SIPA1L3: variants seen among roughly 807,000 people sequenced by gnomAD.
SIPA1L3 encodes signal induced proliferation associated 1 like 3, also known as signal-induced proliferation-associated 1-like protein 3.
A neutral mutation model predicts 150.1 loss-of-function variants in SIPA1L3; 59 were observed. The ratio of observed to expected loss-of-function variants is 0.39; its 90% CI spans 0.32 to 0.49. The LOEUF is 0.49. SIPA1L3 is among the 20% of genes least tolerant of loss of function. SIPA1L3 has a pLI of 0.86. For missense variants in SIPA1L3, 2,211 were observed against 2,489.5 expected, an observed-to-expected ratio of 0.89 and a Z score of 2.38; for synonymous variants, 1,070 against 1,077.6, an observed-to-expected ratio of 0.99 and a Z score of 0.14.
chr19:38,151,442 G>A (rs1007623759), intron 12 of SIPA1L3, among the ~76,000 whole-genome samples: 3 of 152,182 alleles, frequency 2.0e-5, no homozygotes, highest in African/African-American at 7.2e-5. Context: ...CCAGTCTCAA[G>A]GGACCTGGAA....
intron 1 of SIPA1L3, among the ~76,000 whole-genome samples, chr19:37,962,058 G>A (rs371456171): frequency 8.4e-4 from 128 of 151,558 alleles, no homozygotes; most frequent in African/African-American, 3.0e-3. Flanking sequence ...CTTGTAAGCC[G>A]TCTAGAAGGC....
intron 1 of SIPA1L3, among the ~76,000 whole-genome samples, chr19:37,939,399 CAAAAAA>C (rs753230257): frequency 2.9e-5 from 2 of 69,218 alleles, no homozygotes; most frequent in Admixed American, 1.6e-4. Flanking sequence ...GACTCCATGT[CAAAAAA>C]AAAAAAAAAA....
In SIPA1L3 at chr19:38,154,763, A is replaced by ATTT. The variant is rs372517508; in HGVS notation, c.3661+1810_3661+1812dup. On this transcript the variant is annotated intron_variant, in intron 13 of 21. Coordinates refer to ENST00000222345, the MANE Select transcript of SIPA1L3 (RefSeq NM_015073.3). Reference sequence around the variant, plus strand: ...ACCCAGCTATTTTATTTTATTATTCATTTTTTTTTTTTTTTTGAGACAGAG... The same window carrying ATTT: ...ACCCAGCTATTTTATTTTATTATTCATTTTTTTTTTTTTTTTTTTGAGACAGAG... Among the ~76,000 whole-genome samples the ATTT allele has an allele frequency of 5.8e-3, 749 of 129,726 alleles. 28 individuals are homozygous for ATTT. In the South Asian group the frequency reaches 0.11, roughly 19 times the overall value. The allele number at this position is 129,726 out of a possible 152,430, so 85.1% of individuals were successfully genotyped here.
chr19:37,991,544 T>G (rs999334151), intron 1 of SIPA1L3, among the ~76,000 whole-genome samples: 1 of 152,204 alleles, frequency 6.6e-6, no homozygotes, highest in Admixed American at 6.5e-5. Context: ...GGTCAGCTGC[T>G]GTCACCCTGG....
intron 1 of SIPA1L3, among the ~76,000 whole-genome samples, chr19:37,980,589 G>A (rs79741107): frequency 0.022 from 3,322 of 152,294 alleles, 124 homozygotes; most frequent in African/African-American, 0.075. Context: ...TCCAGAGCAG[G>A]GGGAAGGCCT....
At chr19:38,008,130 T>C (rs1030361710) in intron 1 of SIPA1L3, among the ~76,000 whole-genome samples, 2 of 151,940 alleles carry the variant, frequency 1.3e-5, no homozygotes, top group Admixed American at 1.3e-4. Flanking sequence ...CCTTGCCCTC[T>C]TTTCATGGAC....
chr19:37,952,148 T>G (rs1030852226), intron 1 of SIPA1L3, among the ~76,000 whole-genome samples: 2 of 152,116 alleles, frequency 1.3e-5, no homozygotes, highest in African/African-American at 4.8e-5. Flanking sequence ...GTAAGCTTAA[T>G]GCTGCTGGGG....
At chr19:37,960,616 C>T (rs1424856898) in intron 1 of SIPA1L3, among the ~76,000 whole-genome samples, 3 of 151,738 alleles carry the variant, frequency 2.0e-5, no homozygotes, top group Admixed American at 1.3e-4. Context: ...ACCTTGTTAG[C>T]CAGGATGGTC....
intron 1 of SIPA1L3, among the ~76,000 whole-genome samples, chr19:37,980,930 C>A (rs1967186443): frequency 6.6e-6 from 1 of 152,178 alleles, no homozygotes; most frequent in Non-Finnish European, 1.5e-5. Context: ...TCTTTCTAGT[C>A]ATGAGACACG....
chr19:37,973,993 C>T (rs571071721), intron 1 of SIPA1L3, among the ~76,000 whole-genome samples: 84 of 152,208 alleles, frequency 5.5e-4, no homozygotes, highest in East Asian at 1.9e-4. Context: ...CTCAGGCCTC[C>T]GGCAGCAAAT....
intron 2 of SIPA1L3, among the ~76,000 whole-genome samples, chr19:38,073,460 T>C (rs1304991242): frequency 6.6e-6 from 1 of 152,236 alleles, no homozygotes; most frequent in Non-Finnish European, 1.5e-5. Flanking sequence ...CCCAACTGAC[T>C]GTCTCCCACT....
chr19:37,926,191 G>A (rs557002207), intron 1 of SIPA1L3, among the ~76,000 whole-genome samples: 3 of 152,096 alleles, frequency 2.0e-5, no homozygotes, highest in Non-Finnish European at 2.9e-5. Flanking sequence ...TTGCTGTGAG[G>A]GTTGGTAGTC....
At chr19:38,090,870 C>T (rs931819699) in intron 4 of SIPA1L3, among the ~76,000 whole-genome samples, 3 of 152,192 alleles carry the variant, frequency 2.0e-5, no homozygotes, top group African/African-American at 7.2e-5. Context: ...AATGGGATGG[C>T]ATGGAGGCTT....
intron 1 of SIPA1L3, among the ~76,000 whole-genome samples, chr19:37,938,122 A>G (rs1347389606): frequency 6.6e-6 from 1 of 152,184 alleles, no homozygotes; most frequent in Non-Finnish European, 1.5e-5. Flanking sequence ...TTATGATTCT[A>G]ACATTGATTT....
At position 38,166,537 on chromosome 19, in the gene SIPA1L3, C is replaced by T. The variant is rs547672960; in HGVS notation, c.4208+1631C>T. 1.4e-4 allele frequency among the ~76,000 whole-genome samples: 22 copies of T among 152,158 alleles called. No individual in the cohort carries two copies. In the South Asian group the frequency reaches 3.1e-3, roughly 22 times the overall value. The stretch of plus-strand genomic sequence containing the variant: ...AGTCCCGACCACACACACTGACGTT[C>T]GGATGGAGGCAATGAGCCACCTTCC... On this transcript the variant is annotated intron_variant, in intron 15 of 21. Transcript: ENST00000222345.
chr19:37,971,755 C>T (rs552571949), intron 1 of SIPA1L3, among the ~76,000 whole-genome samples: 19 of 151,954 alleles, frequency 1.3e-4, no homozygotes, highest in Admixed American at 2.6e-4. Context: ...TTATTAGAGA[C>T]GGGGTTTCAT....
intron 1 of SIPA1L3, among the ~76,000 whole-genome samples, chr19:38,021,526 T>C (rs1256198518): frequency 6.6e-6 from 1 of 150,868 alleles, no homozygotes; most frequent in Non-Finnish European, 1.5e-5. Context: ...GGAAAATGAC[T>C]GTTAGATGAG....
In SIPA1L3 at chr19:38,082,840, C is replaced by A; in HGVS notation, c.1275C>A (p.Leu425=). Residue 425 remains leucine, a synonymous_variant, in exon 3 of 22, where the codon CTC becomes CTA. Transcript: ENST00000222345. ...LGDDNSNDLL[L]SCPHFRNEIG... ...ATGACAACAGCAACGACCTGCTGCTCAGCTGCCCGCACTTCCGCAATGAGA... is the reference window on the plus strand; with the variant it reads ...ATGACAACAGCAACGACCTGCTGCTAAGCTGCCCGCACTTCCGCAATGAGA... 6.2e-7 allele frequency: 1 copy of A among 1,613,716 alleles called. No individual in the cohort carries two copies. Among genetic ancestry groups the A allele is most frequent in the African/African-American group, 1.3e-5 (1 of 75,062 alleles).
intron 1 of SIPA1L3, among the ~76,000 whole-genome samples, chr19:37,984,387 A>T (rs950043475): frequency 6.6e-6 from 1 of 152,180 alleles, no homozygotes; most frequent in Admixed American, 6.5e-5. Context: ...CAATATTAGA[A>T]CTAATGCTAA....
Sources: allele counts gnomAD v4.1 joint callset (sites outside exome capture counted in the v4.1 genomes callset), GRCh38; gene constraint gnomAD v4.1.1; transcripts MANE v1.5; gene names NCBI Gene and HGNC (gene_info 2026-07-23, HGNC 2026-07-21).